The following ZFHX3 variants were observed in gnomAD, a reference collection of about 807,000 sequenced individuals.
ZFHX3 encodes zinc finger homeobox 3.
A neutral mutation model predicts 279.1 loss-of-function variants in ZFHX3; 42 were observed. The observed-to-expected ratio is 0.15, with a 90% confidence interval of 0.12 to 0.19. The LOEUF is 0.19. Among genes scored for constraint, ZFHX3 ranks in the 10% least tolerant of loss-of-function variants. The probability of loss-of-function intolerance (pLI) is 1.00; values close to 1 mark genes in which losing one functional copy is unlikely to be tolerated. For missense variants in ZFHX3, 4,981 were observed against 4,754.0 expected (o/e 1.05, Z -1.40); for synonymous variants, 2,293 against 1,957.8 (o/e 1.17, Z -4.52).
chr16:73,271,539 G>A (rs1421518936), intron 4 of ZFHX3, among the ~76,000 whole-genome samples: 1 of 152,174 alleles, frequency 6.6e-6, no homozygotes, highest in Non-Finnish European at 1.5e-5. Context: ...TCCCACCTCG[G>A]CCACTGACCA....
chr16:72,794,589 T>C lies in ZFHX3; in HGVS notation c.8093A>G (p.Lys2698Arg), dbSNP rs1365384897. 3.1e-6 allele frequency: 5 copies of C among 1,614,194 alleles called. No individual in the cohort carries two copies. In the South Asian group the frequency reaches 5.5e-5, roughly 18 times the overall value. The change falls in exon 9 of 10, where the codon AAA (lysine) becomes AGA (arginine). Residue 2698 changes from lysine (K) to arginine (R), a missense_variant. Around this residue, in one of 7 missense-constraint regions of ZFHX3, gnomAD observed 744 missense variants for 701.3 expected, o/e 1.06. Transcript: ENST00000268489. This position sits in a 1 kb window ranked among gnomAD's most constrained non-coding sequence, Gnocchi z 4.2. ...TGGGCCTACAGCCCGGAACTGTCCT[T>C]TCCTTTCCCGAGCTCGGGTGTTCTG... ...WFQNTRARER[K>R]GQFRAVGPAQ...
chr16:73,083,021 T>A (rs1597150683), intron 8 of ZFHX3, among the ~76,000 whole-genome samples: 1 of 132,048 alleles, frequency 7.6e-6, no homozygotes, highest in African/African-American at 3.1e-5. Flanking sequence ...CCATCTCTAC[T>A]AAAAAAAAAA....
At chr16:73,496,644 T>A (rs1325557004) in intron 2 of ZFHX3, among the ~76,000 whole-genome samples, 1 of 152,236 alleles carries the variant, frequency 6.6e-6, no homozygotes, top group Non-Finnish European at 1.5e-5. Flanking sequence ...TAGTTGGTGG[T>A]TGGACTCTGC....
intron 2 of ZFHX3, among the ~76,000 whole-genome samples, chr16:73,590,147 A>G (rs909513087): frequency 1.3e-5 from 2 of 152,216 alleles, no homozygotes; most frequent in Non-Finnish European, 2.9e-5. Context: ...GACGTAGGTG[A>G]GTAAAAACCT....
intron 1 of ZFHX3, among the ~76,000 whole-genome samples, chr16:73,766,392 CT>C (rs1445013945): frequency 3.3e-5 from 5 of 152,088 alleles, no homozygotes; most frequent in Admixed American, 6.5e-5. Flanking sequence ...TCTCTTGGGT[CT>C]TTTAGGACAT....
chr16:73,511,566 C>A (rs2019429355), intron 2 of ZFHX3, among the ~76,000 whole-genome samples: 1 of 152,188 alleles, frequency 6.6e-6, no homozygotes, highest in Admixed American at 6.5e-5. Flanking sequence ...CTTCTGTTAA[C>A]TGTTTTTGAA....
At chr16:73,297,476 C>G (rs1173594095) in intron 4 of ZFHX3, among the ~76,000 whole-genome samples, 1 of 152,002 alleles carries the variant, frequency 6.6e-6, no homozygotes, top group Non-Finnish European at 1.5e-5. Context: ...AACAAATATC[C>G]AACCCCTATT....
intron 3 of ZFHX3, among the ~76,000 whole-genome samples, chr16:73,365,534 G>A (rs1389349684): frequency 6.6e-6 from 1 of 152,176 alleles, no homozygotes; most frequent in African/African-American, 2.4e-5. Context: ...GCTGTTCAGT[G>A]ACATATAGAG....
intron 4 of ZFHX3, among the ~76,000 whole-genome samples, chr16:73,279,895 C>T (rs1484039780): frequency 6.6e-6 from 1 of 152,028 alleles, no homozygotes; most frequent in Non-Finnish European, 1.5e-5. Flanking sequence ...CAACTATGCA[C>T]GACAGAAAGG....
chr16:73,524,717 G>C (rs1000634474), intron 2 of ZFHX3, among the ~76,000 whole-genome samples: 1 of 152,184 alleles, frequency 6.6e-6, no homozygotes, highest in African/African-American at 2.4e-5. Flanking sequence ...TGCTTAAAGA[G>C]CAAACCTCTA....
At chr16:73,675,727 A>G (rs758070838) in intron 2 of ZFHX3, among the ~76,000 whole-genome samples, 11 of 152,108 alleles carry the variant, frequency 7.2e-5, no homozygotes, top group Non-Finnish European at 1.5e-4. Flanking sequence ...ATCAAGGCAA[A>G]CTCATACCTG....
intron 4 of ZFHX3, among the ~76,000 whole-genome samples, chr16:73,306,811 G>A (rs990369676): frequency 3.3e-5 from 5 of 152,188 alleles, no homozygotes; most frequent in Non-Finnish European, 7.3e-5. Context: ...GGCTTCATGC[G>A]GTGGCCAATG....
intron 1 of ZFHX3, among the ~76,000 whole-genome samples, chr16:73,771,908 A>G (rs371593516): frequency 3.3e-5 from 5 of 151,686 alleles, no homozygotes; most frequent in East Asian, 3.9e-4. Flanking sequence ...GACTGTGGTC[A>G]CCTCCCCCAC....
intron 4 of ZFHX3, among the ~76,000 whole-genome samples, chr16:72,840,519 AAAAG>A (rs1418573749): frequency 1.3e-5 from 2 of 152,208 alleles, no homozygotes; most frequent in African/African-American, 4.8e-5. Context: ...AGCAAAGAGA[AAAAG>A]AAAGAGGTAA....
chr16:73,784,888 T>C (rs1959597946), intron 1 of ZFHX3, among the ~76,000 whole-genome samples: 1 of 150,714 alleles, frequency 6.6e-6, no homozygotes, highest in Middle Eastern at 3.4e-3. Context: ...TGAGGAATAG[T>C]GGTCCCATGC....
At chr16:73,705,895 T>G (rs1597074715) in intron 1 of ZFHX3, among the ~76,000 whole-genome samples, 1 of 152,272 alleles carries the variant, frequency 6.6e-6, no homozygotes, top group South Asian at 2.1e-4. Context: ...TTTGCCACAG[T>G]TCCTCTGACA....
intron 3 of ZFHX3, among the ~76,000 whole-genome samples, chr16:72,912,322 T>TA (rs1397383204): frequency 2.0e-5 from 3 of 152,204 alleles, no homozygotes; most frequent in African/African-American, 7.2e-5. Flanking sequence ...CAGATGATGC[T>TA]AATTTGGGAG....
intron 4 of ZFHX3, among the ~76,000 whole-genome samples, chr16:73,278,912 T>A (rs1469046106): frequency 6.6e-6 from 1 of 152,168 alleles, no homozygotes; most frequent in Non-Finnish European, 1.5e-5. Context: ...CCAAGTCCCC[T>A]CTCGACCCAG....
intron 1 of ZFHX3, among the ~76,000 whole-genome samples, chr16:73,016,838 G>C: frequency 6.6e-6 from 1 of 151,966 alleles, no homozygotes; most frequent in East Asian, 1.9e-4. Context: ...CCCCATTACA[G>C]CTGAAGCCCA....
Sources: gnomAD v4.1 joint callset for allele counts (sites outside exome capture counted in the v4.1 genomes callset) on GRCh38, gnomAD v4.1.1 for gene constraint, gnomAD v4.1.1 regional missense constraint, Gnocchi (gnomAD v3.1) non-coding constraint, MANE v1.5 for transcripts, NCBI Gene and HGNC (gene_info 2026-07-23, HGNC 2026-07-21) for gene names.